The following SPECC1 variants were observed in gnomAD, a reference collection of about 807,000 sequenced individuals.
SPECC1 encodes the protein sperm antigen with calponin homology and coiled-coil domains 1.
In SPECC1, 62 loss-of-function variants were observed where a neutral mutation model predicts 104.1. That is an observed-to-expected ratio of 0.60 (90% confidence interval 0.49 to 0.74). The LOEUF is 0.74. Ranked by LOEUF, SPECC1 falls within the 30% of genes least tolerant of loss-of-function variation. The probability of loss-of-function intolerance (pLI) is 0.00; values close to 1 mark genes in which losing one functional copy is unlikely to be tolerated. For missense variants in SPECC1, 1,306 were observed against 1,310.5 expected, an observed-to-expected ratio of 1.00 and a Z score of 0.05; for synonymous variants, 513 against 501.6, an observed-to-expected ratio of 1.02 and a Z score of -0.30.
chr17:20,126,025 C>T (rs1054539854), intron 3 of SPECC1, among the ~76,000 whole-genome samples: 1 of 152,140 alleles, frequency 6.6e-6, no homozygotes, highest in Non-Finnish European at 1.5e-5. Flanking sequence ...CCTGGGTCCT[C>T]CCTGGGTGCC....
At chr17:20,261,601 G>A (rs181746829) in intron 12 of SPECC1, among the ~76,000 whole-genome samples, 12 of 152,014 alleles carry the variant, frequency 7.9e-5, no homozygotes, top group African/African-American at 2.4e-4. Flanking sequence ...GAAGAAGAGT[G>A]CTTTGCCTAA....
intron 4 of SPECC1, among the ~76,000 whole-genome samples, chr17:20,211,771 C>T (rs564918211): frequency 3.9e-5 from 6 of 152,322 alleles, no homozygotes; most frequent in East Asian, 3.9e-4. Context: ...CCTGTGGCTC[C>T]GACCCCTTGC....
intron 3 of SPECC1, among the ~76,000 whole-genome samples, chr17:20,202,427 G>A (rs2036494719): frequency 1.3e-5 from 2 of 152,114 alleles, no homozygotes; most frequent in South Asian, 4.1e-4. Flanking sequence ...AGTGATGCTG[G>A]CAGTGCTCCC....
intron 3 of SPECC1, among the ~76,000 whole-genome samples, chr17:20,167,993 A>G (rs895494035): frequency 6.6e-6 from 1 of 152,250 alleles, no homozygotes; most frequent in Non-Finnish European, 1.5e-5. Flanking sequence ...TATTAAACAC[A>G]TAAGACAGCT....
At chr17:20,206,998 C>T (rs1245460957) in intron 4 of SPECC1, among the ~76,000 whole-genome samples, 1 of 152,090 alleles carries the variant, frequency 6.6e-6, no homozygotes, top group African/African-American at 2.4e-5. Context: ...GTTTTTGATG[C>T]AAGAATTGTG....
chr17:20,084,272 T>C lies in SPECC1; in HGVS notation c.-21-12359T>C, dbSNP rs180712647. Among the ~76,000 whole-genome samples the C allele has an allele frequency of 1.5e-3, 225 of 152,142 alleles. 1 individual carries two copies. The highest frequency in any genetic ancestry group is 5.2e-3 in the African/African-American group (217 of 41,508). ...GGTGAAACCCTGTCTCTACTAAAAA[T>C]ATAAAAATTAGTCGGGCACAGTGGA... On this transcript the variant is annotated intron_variant, in intron 1 of 14. Coordinates refer to ENST00000395527, the MANE Select transcript of SPECC1 (RefSeq NM_001243439.2).
At chr17:20,148,453 G>A (rs191875297) in intron 3 of SPECC1, among the ~76,000 whole-genome samples, 2 of 148,038 alleles carry the variant, frequency 1.4e-5, no homozygotes, top group African/African-American at 2.5e-5. Context: ...TTCCCAGGCT[G>A]AATTTTACTT....
At chr17:20,144,251 C>G (rs546261221) in intron 3 of SPECC1, among the ~76,000 whole-genome samples, 2 of 132,540 alleles carry the variant, frequency 1.5e-5, no homozygotes, top group East Asian at 5.0e-4. Flanking sequence ...GTGGTGCGAT[C>G]ACAGCTCACT....
chr17:20,108,605 C>G (rs949420399), intron 2 of SPECC1, among the ~76,000 whole-genome samples: 12 of 152,312 alleles, frequency 7.9e-5, no homozygotes, highest in African/African-American at 2.9e-4. Context: ...GTGTCTGCTT[C>G]TTTCACTTAG....
At chr17:20,126,959 T>C (rs1342968092) in intron 3 of SPECC1, among the ~76,000 whole-genome samples, 1 of 152,258 alleles carries the variant, frequency 6.6e-6, no homozygotes, top group Non-Finnish European at 1.5e-5. Flanking sequence ...GAAATTAAAG[T>C]ATGTGTGTAT....
chr17:20,093,726 GTTTTTTGTTT>G (rs1567837133), intron 1 of SPECC1, among the ~76,000 whole-genome samples: 1 of 143,478 alleles, frequency 7.0e-6, no homozygotes, highest in Non-Finnish European at 1.5e-5. Context: ...TTTTGTTTTT[GTTTTTTGTTT>G]TTTTTTTTTT....
intron 3 of SPECC1, among the ~76,000 whole-genome samples, chr17:20,202,163 CTG>C (rs1270509077): frequency 6.6e-6 from 1 of 152,160 alleles, no homozygotes; most frequent in African/African-American, 2.4e-5. Context: ...ATACAATTAA[CTG>C]TAGTACATAC....
intron 1 of SPECC1, among the ~76,000 whole-genome samples, chr17:20,092,033 T>C (rs2047424664): frequency 6.6e-6 from 1 of 152,172 alleles, no homozygotes; most frequent in South Asian, 2.1e-4. Context: ...ATTGTATTCC[T>C]TAAATAGGGG....
intron 3 of SPECC1, among the ~76,000 whole-genome samples, chr17:20,164,143 A>G (rs1394769376): frequency 1.3e-5 from 2 of 151,638 alleles, no homozygotes; most frequent in African/African-American, 4.8e-5. Context: ...TTTATTCCAA[A>G]TAATATTGGG....
At chr17:20,032,294 G>A (rs1166167952) in intron 1 of SPECC1, among the ~76,000 whole-genome samples, 2 of 152,040 alleles carry the variant, frequency 1.3e-5, no homozygotes, top group African/African-American at 4.8e-5. Context: ...TTTCTTGATT[G>A]TATAGGTTAT....
chr17:20,223,672 C>CAA (rs761885154), intron 4 of SPECC1, among the ~76,000 whole-genome samples: 7 of 131,462 alleles, frequency 5.3e-5, no homozygotes, highest in African/African-American at 1.1e-4. Flanking sequence ...GACTTTGTCT[C>CAA]AAAAAAAAAA....
intron 3 of SPECC1, among the ~76,000 whole-genome samples, chr17:20,201,269 G>T (rs2036413334): frequency 6.6e-6 from 1 of 151,730 alleles, no homozygotes; most frequent in Non-Finnish European, 1.5e-5. Context: ...AGACCAGCCT[G>T]GCCAACATGG....
intron 5 of SPECC1, among the ~76,000 whole-genome samples, chr17:20,229,375 C>T (rs1567964395): frequency 1.3e-5 from 2 of 152,086 alleles, no homozygotes; most frequent in African/African-American, 2.4e-5. Flanking sequence ...ATCAACAAAG[C>T]GCATCAGGCT....
intron 1 of SPECC1, among the ~76,000 whole-genome samples, chr17:20,033,460 T>G (rs116483562): frequency 9.5e-4 from 144 of 152,270 alleles, no homozygotes; most frequent in Admixed American, 2.6e-3. Context: ...GCTGGATAAT[T>G]TATAAAGAAA....
Sources: gnomAD v4.1 joint callset for allele counts (sites outside exome capture counted in the v4.1 genomes callset) on GRCh38, gnomAD v4.1.1 for gene constraint, MANE v1.5 for transcripts, NCBI Gene and HGNC (gene_info 2026-07-23, HGNC 2026-07-21) for gene names.